MACROD2: variants seen among roughly 807,000 people sequenced by gnomAD.
MACROD2 encodes the protein mono-ADP ribosylhydrolase 2.
In MACROD2, 36 loss-of-function variants were observed where a neutral mutation model predicts 70.4. That is an observed-to-expected ratio of 0.51 (90% confidence interval 0.39 to 0.68). MACROD2 has a LOEUF of 0.68. MACROD2 is among the 30% of genes least tolerant of loss of function. The pLI is 0.00. For synonymous variants in MACROD2, 172 were observed against 178.8 expected (o/e 0.96, Z 0.30); for missense variants, 496 against 538.4 (o/e 0.92, Z 0.78).
chr20:15,440,207 A>C (rs1362841755), intron 7 of MACROD2, among the ~76,000 whole-genome samples: 1 of 152,146 alleles, frequency 6.6e-6, no homozygotes, highest in Non-Finnish European at 1.5e-5. Context: ...TTTTCCCTGG[A>C]AAAAAAGAAA....
At chr20:15,995,381 G>A (rs181876229) in intron 15 of MACROD2, among the ~76,000 whole-genome samples, 3 of 149,412 alleles carry the variant, frequency 2.0e-5, no homozygotes, top group Non-Finnish European at 3.0e-5. Context: ...ATGGAGTCTC[G>A]CTCTGTCACC....
chr20:15,642,329 C>G (rs1033360624), intron 8 of MACROD2, among the ~76,000 whole-genome samples: 1 of 152,090 alleles, frequency 6.6e-6, no homozygotes, highest in Non-Finnish European at 1.5e-5. Flanking sequence ...CAATTACAAG[C>G]ATCATAAAGC....
chr20:15,387,762 C>G (rs62203487), intron 6 of MACROD2, among the ~76,000 whole-genome samples: 2 of 139,680 alleles, frequency 1.4e-5, no homozygotes, highest in African/African-American at 2.6e-5. Flanking sequence ...TTTTTTGAGA[C>G]AGGTCTCACT....
chr20:14,914,990 T>TA (rs1433934084), intron 5 of MACROD2, among the ~76,000 whole-genome samples: 1 of 152,176 alleles, frequency 6.6e-6, no homozygotes, highest in Non-Finnish European at 1.5e-5. Context: ...CTGATTTTTT[T>TA]AAAAAAGAAT....
chr20:15,689,852 AT>A (rs2050276756), intron 8 of MACROD2, among the ~76,000 whole-genome samples: 1 of 152,176 alleles, frequency 6.6e-6, no homozygotes, highest in Admixed American at 6.5e-5. Flanking sequence ...GCCCTGTGAG[AT>A]TCACAGTGTT....
At chr20:14,594,883 C>A (rs1462652286) in intron 4 of MACROD2, among the ~76,000 whole-genome samples, 2 of 152,168 alleles carry the variant, frequency 1.3e-5, no homozygotes, top group African/African-American at 4.8e-5. Flanking sequence ...AAGAGCGAGA[C>A]TCCATCTCAA....
chr20:14,576,349 C>T (rs1307758638), intron 4 of MACROD2, among the ~76,000 whole-genome samples: 24 of 152,268 alleles, frequency 1.6e-4, no homozygotes. Flanking sequence ...AACCACAAAG[C>T]CCTGCTGCCA....
intron 12 of MACROD2, among the ~76,000 whole-genome samples, chr20:15,939,598 C>CATA (rs2065720765): frequency 6.6e-6 from 1 of 151,444 alleles, no homozygotes; most frequent in African/African-American, 2.4e-5. Context: ...GTACAAGGAA[C>CATA]ATAATGTTGT....
chr20:15,476,236 T>G (rs139998554), intron 7 of MACROD2, among the ~76,000 whole-genome samples: 1 of 152,246 alleles, frequency 6.6e-6, no homozygotes, highest in African/African-American at 2.4e-5. Flanking sequence ...TATGATACAA[T>G]GCCTTATTAC....
intron 3 of MACROD2, among the ~76,000 whole-genome samples, chr20:14,110,995 A>G (rs968146561): frequency 6.6e-6 from 1 of 152,062 alleles, no homozygotes; most frequent in Non-Finnish European, 1.5e-5. Flanking sequence ...AGCTATAGTA[A>G]CCAAAACAGC....
intron 5 of MACROD2, among the ~76,000 whole-genome samples, chr20:14,968,475 T>TTA (rs1335592983): frequency 4.6e-5 from 7 of 152,128 alleles, no homozygotes; most frequent in African/African-American, 1.7e-4. Flanking sequence ...AGGGGGTTCT[T>TTA]TAAATTAGTG....
At chr20:14,317,995 A>G (rs917456049) in intron 3 of MACROD2, among the ~76,000 whole-genome samples, 2 of 152,186 alleles carry the variant, frequency 1.3e-5, no homozygotes, top group African/African-American at 4.8e-5. Context: ...TATAGAACAT[A>G]TTTTAGAAAG....
intron 4 of MACROD2, among the ~76,000 whole-genome samples, chr20:14,563,431 A>G (rs1210352796): frequency 1.3e-5 from 2 of 152,012 alleles, no homozygotes; most frequent in Non-Finnish European, 2.9e-5. Flanking sequence ...CTACATATCT[A>G]TTAGAGTGGC....
chr20:14,644,673 T>A (rs993737532), intron 4 of MACROD2, among the ~76,000 whole-genome samples: 1 of 152,140 alleles, frequency 6.6e-6, no homozygotes, highest in African/African-American at 2.4e-5. Context: ...ATAACTAATG[T>A]TTATATGACA....
At chr20:14,174,282 A>G (rs1314199690) in intron 3 of MACROD2, among the ~76,000 whole-genome samples, 1 of 152,128 alleles carries the variant, frequency 6.6e-6, no homozygotes, top group Admixed American at 6.5e-5. Context: ...GACAAAGATC[A>G]TCAGGTTGGG....
chr20:15,793,831 A>C (rs1600900390), intron 8 of MACROD2, among the ~76,000 whole-genome samples: 1 of 147,504 alleles, frequency 6.8e-6, no homozygotes, highest in African/African-American at 2.5e-5. Context: ...CATAACATCT[A>C]TATTATATAA....
At chr20:15,778,497 T>C (rs2051770696) in intron 8 of MACROD2, among the ~76,000 whole-genome samples, 1 of 152,132 alleles carries the variant, frequency 6.6e-6, no homozygotes, top group African/African-American at 2.4e-5. Context: ...CAATTGTAGC[T>C]GCATCGAAGT....
chr20:14,883,756 A>G (rs955314585), intron 5 of MACROD2, among the ~76,000 whole-genome samples: 1 of 152,132 alleles, frequency 6.6e-6, no homozygotes, highest in Non-Finnish European at 1.5e-5. Flanking sequence ...ATGTCTACCA[A>G]TAACTTAGGC....
At chr20:15,598,806 A>C (rs1340615994) in intron 8 of MACROD2, among the ~76,000 whole-genome samples, 2 of 152,070 alleles carry the variant, frequency 1.3e-5, no homozygotes, top group African/African-American at 4.8e-5. Context: ...AATACAGGAC[A>C]CTCTGTATTT....
Sources: allele counts gnomAD v4.1 joint callset (sites outside exome capture counted in the v4.1 genomes callset), GRCh38; gene constraint gnomAD v4.1.1; transcripts MANE v1.5; gene names NCBI Gene and HGNC (gene_info 2026-07-23, HGNC 2026-07-21).